The following MARK1 variants were observed in gnomAD, a reference collection of about 807,000 sequenced individuals.
The protein encoded by MARK1 is serine/threonine-protein kinase MARK1.
Under a neutral mutation model 96.3 loss-of-function variants are expected in MARK1, and 40 were observed. That is an observed-to-expected ratio of 0.42 (90% confidence interval 0.32 to 0.54). The LOEUF is 0.54. Ranked by LOEUF, MARK1 falls within the 20% of genes least tolerant of loss-of-function variation. The pLI is 0.16. For missense variants in MARK1, 719 were observed against 984.6 expected (o/e 0.73, Z 3.61); for synonymous variants, 317 against 341.2 (o/e 0.93, Z 0.78).
intron 3 of MARK1, among the ~76,000 whole-genome samples, chr1:220,583,203 A>G (rs1664361294): frequency 6.6e-6 from 1 of 152,210 alleles, no homozygotes; most frequent in Non-Finnish European, 1.5e-5. Context: ...ATATGAAATA[A>G]GGATTCATTG....
chr1:220,588,483 A>G (rs1433321195), intron 3 of MARK1, among the ~76,000 whole-genome samples: 1 of 152,184 alleles, frequency 6.6e-6, no homozygotes, highest in African/African-American at 2.4e-5. Flanking sequence ...TAATTATTTT[A>G]CTGTTGTAGT....
intron 14 of MARK1, 43 bp downstream of exon 14, chr1:220,650,763 C>A: frequency 2.1e-6 from 3 of 1,402,748 alleles, no homozygotes; most frequent in South Asian, 1.2e-5. Flanking sequence ...TGCTGTTGTT[C>A]TGTGTTAGTG....
At chr1:220,639,141 A>C (rs1668131055) in intron 13 of MARK1, among the ~76,000 whole-genome samples, 1 of 152,140 alleles carries the variant, frequency 6.6e-6, no homozygotes, top group African/African-American at 2.4e-5. Context: ...CTATAGTTCC[A>C]GCTACCTGGA....
intron 1 of MARK1, among the ~76,000 whole-genome samples, chr1:220,544,388 T>C (rs1189890625): frequency 7.2e-5 from 11 of 152,130 alleles, no homozygotes. Flanking sequence ...CAGTAGCAGG[T>C]TAGTTATCTC....
Position 220,598,367 on chromosome 1 carries a change from C to A in MARK1, c.346C>A (p.His116Asn). 3.7e-6 allele frequency: 2 copies of A among 538,968 alleles called. No homozygotes were observed. Among genetic ancestry groups the A allele is most frequent in the East Asian group, 5.5e-5 (1 of 18,076 alleles). The allele number at this position is 538,968 out of a possible 1,614,324, so 33.4% of individuals were successfully genotyped here. A position where few individuals can be genotyped will look rare whatever the true frequency, so the allele number is the denominator to read the frequency against. Residue 116 changes from histidine (H) to asparagine (N), a missense_variant, in exon 4 of 18, where the codon CAT (histidine) becomes AAT (asparagine). Coordinates refer to ENST00000366917, the MANE Select transcript of MARK1 (RefSeq NM_018650.5). Reference sequence around the variant, plus strand: ...AGTACGAATAATGAAGATACTGAATCATCCTAATATAGGTATGAAATATAT... The same window carrying A: ...AGTACGAATAATGAAGATACTGAATAATCCTAATATAGGTATGAAATATAT... ...REVRIMKILN[H>N]PNIVKLFEVI...
chr1:220,631,109 G>A lies in MARK1; in HGVS notation c.984G>A (p.Pro328=), dbSNP rs35322308. The A allele has an allele frequency of 0.019, 31,150 of 1,611,586 alleles. 458 individuals are homozygous for A. The highest frequency in any genetic ancestry group is 0.055 in the Middle Eastern group (335 of 6,038). The change falls in exon 10 of 18, where the codon CCG becomes CCA. Residue 328 remains proline, a synonymous_variant. Coordinates refer to ENST00000366917, the MANE Select transcript of MARK1 (RefSeq NM_018650.5). ...TAAAGCCATATACTGAGCCTGATCC[G>A]GATTTCAATGACACAAAAAGAATAG... is the stretch of plus-strand genomic sequence containing the variant. ...EELKPYTEPD[P]DFNDTKRIDI...
chr1:220,606,785 TC>T, intron 6 of MARK1, among the ~76,000 whole-genome samples: 1 of 152,212 alleles, frequency 6.6e-6, no homozygotes, highest in East Asian at 1.9e-4. Flanking sequence ...GGGAATCCTT[TC>T]CCCATTTCTT....
At chr1:220,574,736 C>A (rs1209847943) in intron 1 of MARK1, among the ~76,000 whole-genome samples, 1 of 152,078 alleles carries the variant, frequency 6.6e-6, no homozygotes, top group Non-Finnish European at 1.5e-5. Flanking sequence ...TAGTTACAAA[C>A]TATTCTTTGT....
intron 1 of MARK1, among the ~76,000 whole-genome samples, chr1:220,540,936 CT>C (rs954547837): frequency 7.0e-4 from 102 of 145,232 alleles, no homozygotes; most frequent in Admixed American, 6.2e-4. Context: ...AAGTCTCTCT[CT>C]TTTTTTTTTT....
At chr1:220,536,196 C>CT (rs1660668904) in intron 1 of MARK1, among the ~76,000 whole-genome samples, 1 of 151,990 alleles carries the variant, frequency 6.6e-6, no homozygotes, top group African/African-American at 2.4e-5. Context: ...ATAAGATAAT[C>CT]TCGTCTACAA....
chr1:220,583,681 C>G (rs1172770559), intron 3 of MARK1, among the ~76,000 whole-genome samples: 1 of 150,886 alleles, frequency 6.6e-6, no homozygotes. Flanking sequence ...CAGAGTCTTG[C>G]TCTGTTGCCC....
At chr1:220,552,563 C>T (rs1009381268) in intron 1 of MARK1, among the ~76,000 whole-genome samples, 3 of 152,112 alleles carry the variant, frequency 2.0e-5, no homozygotes, top group African/African-American at 7.2e-5. Context: ...AAGCATGAGC[C>T]TGCTTTCATT....
chr1:220,625,986 A>C, intron 9 of MARK1: 1 of 549,680 alleles, frequency 1.8e-6, no homozygotes, highest in Non-Finnish European at 3.7e-6. Context: ...CTTCAGATAC[A>C]TGTTCGAGCA....
intron 1 of MARK1, among the ~76,000 whole-genome samples, chr1:220,574,618 A>G (rs1452178357): frequency 6.6e-6 from 1 of 152,152 alleles, no homozygotes; most frequent in Non-Finnish European, 1.5e-5. Flanking sequence ...TCAATGATCA[A>G]CTTCCCTTAA....
chr1:220,638,046 G>C (rs1668068018), intron 13 of MARK1, among the ~76,000 whole-genome samples: 1 of 151,832 alleles, frequency 6.6e-6, no homozygotes, highest in Admixed American at 6.6e-5. Context: ...ACCACTTCAA[G>C]AATTGATGGA....
chr1:220,568,606 T>C (rs1256840995), intron 1 of MARK1, among the ~76,000 whole-genome samples: 1 of 152,142 alleles, frequency 6.6e-6, no homozygotes, highest in Non-Finnish European at 1.5e-5. Context: ...TGTGATGATA[T>C]GATATGAAAA....
At chr1:220,561,992 C>A (rs1194533544) in intron 1 of MARK1, among the ~76,000 whole-genome samples, 1 of 152,252 alleles carries the variant, frequency 6.6e-6, no homozygotes, top group Non-Finnish European at 1.5e-5. Flanking sequence ...TAAGAGAGAA[C>A]ATTTGGCAAT....
intron 16 of MARK1, among the ~76,000 whole-genome samples, chr1:220,657,206 A>G (rs542369807): frequency 2.2e-4 from 33 of 152,288 alleles, no homozygotes; most frequent in Non-Finnish European, 3.5e-4. Flanking sequence ...GTGGATATCC[A>G]GGTAAGGTCA....
At chr1:220,661,746 G>A in intron 17 of MARK1, 66 bp from the exon 18 acceptor site, 1 of 1,202,930 alleles carries the variant, frequency 8.3e-7, no homozygotes, top group Non-Finnish European at 1.2e-6. Context: ...GATTTTATGT[G>A]TGTTTTGATC....
Sources: gnomAD v4.1 joint callset for allele counts (sites outside exome capture counted in the v4.1 genomes callset) on GRCh38, gnomAD v4.1.1 for gene constraint, MANE v1.5 for transcripts, NCBI Gene and HGNC (gene_info 2026-07-23, HGNC 2026-07-21) for gene names.